The following CMIP variants were observed in gnomAD, a reference collection of about 807,000 sequenced individuals.
CMIP encodes c-Maf inducing protein, also known as C-Maf-inducing protein.
Under a neutral mutation model 97.3 loss-of-function variants are expected in CMIP, and 13 were observed. The ratio of observed to expected loss-of-function variants is 0.13; its 90% CI spans 0.09 to 0.21. CMIP has a LOEUF of 0.21. Ranked by LOEUF, CMIP falls within the 10% of genes least tolerant of loss-of-function variation. The pLI is 1.00. For synonymous variants in CMIP, 538 were observed against 436.3 expected, an observed-to-expected ratio of 1.23 and a Z score of -2.91; for missense variants, 847 against 1,024.9, an observed-to-expected ratio of 0.83 and a Z score of 2.37.
intron 1 of CMIP, among the ~76,000 whole-genome samples, chr16:81,566,893 G>A (rs1007080142): frequency 6.6e-6 from 1 of 152,220 alleles, no homozygotes; most frequent in African/African-American, 2.4e-5. Flanking sequence ...AGTACATAGT[G>A]TATTATTCCA....
intron 20 of CMIP, among the ~76,000 whole-genome samples, chr16:81,709,504 G>A (rs1237932423): frequency 1.3e-5 from 2 of 152,182 alleles, no homozygotes; most frequent in African/African-American, 4.8e-5. Flanking sequence ...GAGACCAAAG[G>A]CCATCTGAGG....
At chr16:81,634,181 C>A (rs537632261) in intron 3 of CMIP, among the ~76,000 whole-genome samples, 7 of 152,228 alleles carry the variant, frequency 4.6e-5, no homozygotes, top group Non-Finnish European at 8.8e-5. Context: ...TGCACCCCAG[C>A]GTTTGAGAAC....
rs144377392 is a variant in CMIP, at chr16:81,497,174, G to A, written c.300+51633G>A. Among the ~76,000 whole-genome samples, 132 of 152,318 alleles carry A rather than the reference G, an allele frequency of 8.7e-4. 1 individual carries two copies. In the Middle Eastern group the frequency reaches 0.01, roughly 12 times the overall value. ...CCTGCCTGACAGCCTTGCATAGCCCGGGGGACTCAGTAGCTTGGGGCTCCC... is the reference window on the plus strand; with the variant it reads ...CCTGCCTGACAGCCTTGCATAGCCCAGGGGACTCAGTAGCTTGGGGCTCCC... On this transcript the variant is annotated intron_variant, in intron 1 of 20. Coordinates refer to ENST00000537098, the MANE Select transcript of CMIP (RefSeq NM_198390.3).
At chr16:81,637,970 T>A (rs949887591) in intron 3 of CMIP, among the ~76,000 whole-genome samples, 1 of 152,074 alleles carries the variant, frequency 6.6e-6, no homozygotes, top group Non-Finnish European at 1.5e-5. Flanking sequence ...ACTGATCCCA[T>A]TGGTGAGGGC....
chr16:81,470,985 T>A (rs1168473158), intron 1 of CMIP, among the ~76,000 whole-genome samples: 1 of 151,684 alleles, frequency 6.6e-6, no homozygotes. Context: ...GGCACAAACG[T>A]GCATACACAC....
At chr16:81,600,918 C>T (rs1323826674) in intron 1 of CMIP, among the ~76,000 whole-genome samples, 2 of 152,126 alleles carry the variant, frequency 1.3e-5, no homozygotes, top group East Asian at 3.8e-4. Context: ...CATCCAACTT[C>T]TCGTTTCTCC....
chr16:81,598,746 CA>C (rs1410244807), intron 1 of CMIP, among the ~76,000 whole-genome samples: 1 of 152,104 alleles, frequency 6.6e-6, no homozygotes, highest in Non-Finnish European at 1.5e-5. Flanking sequence ...GCATGCGGAT[CA>C]CCTGAGGTCA....
At chr16:81,539,712 C>G (rs1470073674) in intron 1 of CMIP, among the ~76,000 whole-genome samples, 3 of 152,232 alleles carry the variant, frequency 2.0e-5, no homozygotes, top group Non-Finnish European at 4.4e-5. Flanking sequence ...AAGAGCAAGA[C>G]TAAGCTTCCC....
At chr16:81,677,693 T>G (rs1904413063) in intron 9 of CMIP, among the ~76,000 whole-genome samples, 1 of 152,230 alleles carries the variant, frequency 6.6e-6, no homozygotes, top group Non-Finnish European at 1.5e-5. Flanking sequence ...CTTCTGTTCC[T>G]CTGGGCAGTT....
intron 3 of CMIP, chr16:81,645,389 A>G (rs1200556510): frequency 1.4e-6 from 2 of 1,443,714 alleles, no homozygotes; most frequent in Non-Finnish European, 1.8e-6. Flanking sequence ...AGGCTGCGGC[A>G]GCAGCAGAGC....
At chr16:81,583,762 G>A (rs1424521009) in intron 1 of CMIP, among the ~76,000 whole-genome samples, 3 of 152,176 alleles carry the variant, frequency 2.0e-5, no homozygotes, top group African/African-American at 7.2e-5. Context: ...GAGAGCATCT[G>A]AAAGCCTTAT....
At chr16:81,532,554 C>A (rs2090259630) in intron 1 of CMIP, among the ~76,000 whole-genome samples, 1 of 152,178 alleles carries the variant, frequency 6.6e-6, no homozygotes, top group Admixed American at 6.5e-5. Context: ...TCAGTCTCGC[C>A]ACCACAGGAG....
At chr16:81,687,424 G>A (rs773178014) in intron 10 of CMIP, among the ~76,000 whole-genome samples, 2 of 152,204 alleles carry the variant, frequency 1.3e-5, no homozygotes, top group Non-Finnish European at 2.9e-5. Context: ...CCTGGCTTAG[G>A]CGAGAACTGA....
At position 81,565,304 on chromosome 16, in the gene CMIP, G is replaced by T. The variant is rs115791246; in HGVS notation, c.301-42263G>T. 3.2e-3 allele frequency among the ~76,000 whole-genome samples: 482 copies of T among 152,318 alleles called. 2 individuals carry two copies. The highest frequency in any genetic ancestry group is 0.011 in the African/African-American group (453 of 41,584). ...CTGGGTGGCAGTGGGCTTTCTCCAA[G>T]AAGAGGAGCCTCTCTCCCTGTTCCA... On this transcript the variant is annotated intron_variant, in intron 1 of 20. Transcript: ENST00000537098.
chr16:81,569,945 T>TTTCATTCATTCATTCATTCA (rs71146021), intron 1 of CMIP, among the ~76,000 whole-genome samples: 1 of 150,786 alleles, frequency 6.6e-6, no homozygotes, highest in African/African-American at 2.4e-5. Flanking sequence ...TGCACTTAAC[T>TTTCATTCATTCATTCATTCA]TTCATTCATT....
chr16:81,565,695 A>G (rs2090967875), intron 1 of CMIP, among the ~76,000 whole-genome samples: 1 of 152,078 alleles, frequency 6.6e-6, no homozygotes, highest in South Asian at 2.1e-4. Context: ...TCAGAGGGGC[A>G]GGGAGTGACA....
chr16:81,474,070 A>G (rs946817053), intron 1 of CMIP, among the ~76,000 whole-genome samples: 1 of 151,950 alleles, frequency 6.6e-6, no homozygotes, highest in African/African-American at 2.4e-5. Context: ...CAGGCCTTTA[A>G]CCGGGCACTC....
At chr16:81,478,602 C>T (rs752286503) in intron 1 of CMIP, among the ~76,000 whole-genome samples, 9 of 152,120 alleles carry the variant, frequency 5.9e-5, no homozygotes, top group Non-Finnish European at 1.3e-4. Context: ...TGTGTGGTCC[C>T]CTCCACCCTC....
intron 3 of CMIP, among the ~76,000 whole-genome samples, chr16:81,644,469 C>T (rs867831047): frequency 2.0e-5 from 3 of 152,188 alleles, no homozygotes; most frequent in Middle Eastern, 3.4e-3. Flanking sequence ...GAAGACTTGG[C>T]GGCCAAAAGG....
Sources: allele counts gnomAD v4.1 joint callset (sites outside exome capture counted in the v4.1 genomes callset), GRCh38; gene constraint gnomAD v4.1.1; transcripts MANE v1.5; gene names NCBI Gene and HGNC (gene_info 2026-07-23, HGNC 2026-07-21).